Variants in TENM3 observed in about 807,000 individuals in gnomAD.
The protein encoded by TENM3 is teneurin transmembrane protein 3.
A neutral mutation model predicts 255.1 loss-of-function variants in TENM3; 63 were observed. That is an observed-to-expected ratio of 0.25 (90% CI 0.20 to 0.30). The LOEUF is 0.30. Among genes scored for constraint, TENM3 ranks in the 10% least tolerant of loss-of-function variants. TENM3 has a pLI of 1.00. For synonymous variants in TENM3, 1,306 were observed against 1,322.3 expected, an observed-to-expected ratio of 0.99 and a Z score of 0.27; for missense variants, 2,929 against 3,461.1, an observed-to-expected ratio of 0.85 and a Z score of 3.86.
At chr4:181,908,275 A>C in the TENM3 span, among the ~76,000 whole-genome samples, 1 of 152,182 alleles carries the variant, frequency 6.6e-6, no homozygotes, top group Non-Finnish European at 1.5e-5. Flanking sequence ...TAGTAGTGAC[A>C]GTTTCTCTTT....
At chr4:181,504,178 C>G in the TENM3 span, among the ~76,000 whole-genome samples, 1 of 152,142 alleles carries the variant, frequency 6.6e-6, no homozygotes, top group East Asian at 1.9e-4. Flanking sequence ...ACTGGAGCAG[C>G]CATTCTGAAT....
the TENM3 span, among the ~76,000 whole-genome samples, chr4:181,612,853 T>A: frequency 6.6e-6 from 1 of 152,138 alleles, no homozygotes; most frequent in Admixed American, 6.5e-5. Flanking sequence ...CATTACCTAT[T>A]TAAATAAAAA....
At chr4:181,703,649 T>C in the TENM3 span, among the ~76,000 whole-genome samples, 2 of 152,132 alleles carry the variant, frequency 1.3e-5, no homozygotes, top group Non-Finnish European at 2.9e-5. Context: ...GTTTCCTCCT[T>C]ATAACAGCTG....
the TENM3 span, among the ~76,000 whole-genome samples, chr4:181,927,357 T>C: frequency 1.3e-5 from 2 of 152,132 alleles, no homozygotes; most frequent in Non-Finnish European, 1.5e-5. Flanking sequence ...TTGCCATTAC[T>C]GGGGCCTGAG....
chr4:182,430,090 G>A (rs192576448), intron 3 of TENM3, among the ~76,000 whole-genome samples: 44 of 152,252 alleles, frequency 2.9e-4, no homozygotes, highest in African/African-American at 7.5e-4. Context: ...GTGACATGAC[G>A]CAGCTGTGTT....
At chr4:181,493,933 A>G in the TENM3 span, among the ~76,000 whole-genome samples, 3 of 152,150 alleles carry the variant, frequency 2.0e-5, no homozygotes, top group African/African-American at 7.2e-5. Flanking sequence ...CAATAATAAT[A>G]TCAAATACTT....
the TENM3 span, among the ~76,000 whole-genome samples, chr4:181,586,763 C>T: frequency 1.3e-5 from 2 of 152,114 alleles, no homozygotes; most frequent in African/African-American, 4.8e-5. Flanking sequence ...TCTCCTGAAC[C>T]TGGGAGGCAG....
chr4:182,230,472 T>C (rs1756486547), intron 1 of TENM3, among the ~76,000 whole-genome samples: 1 of 152,046 alleles, frequency 6.6e-6, no homozygotes, highest in Non-Finnish European at 1.5e-5. Context: ...AGGAGAATAT[T>C]TGTTGGAATA....
At chr4:182,388,008 A>G (rs943827523) in intron 3 of TENM3, among the ~76,000 whole-genome samples, 3 of 150,802 alleles carry the variant, frequency 2.0e-5, no homozygotes, top group African/African-American at 4.9e-5. Context: ...TTTTCTCTCC[A>G]TGGTTAAGCA....
At chr4:181,973,769 A>T in the TENM3 span, among the ~76,000 whole-genome samples, 2 of 152,272 alleles carry the variant, frequency 1.3e-5, no homozygotes, top group African/African-American at 4.8e-5. Context: ...GCTAAAAATA[A>T]ATATGAATAA....
chr4:182,641,400 ATT>A (rs1256004563), intron 5 of TENM3, among the ~76,000 whole-genome samples: 1 of 152,200 alleles, frequency 6.6e-6, no homozygotes, highest in Non-Finnish European at 1.5e-5. Context: ...ATTTCAAAGA[ATT>A]GTAATTTTCA....
At chr4:181,787,514 A>G in the TENM3 span, among the ~76,000 whole-genome samples, 1 of 151,834 alleles carries the variant, frequency 6.6e-6, no homozygotes, top group Non-Finnish European at 1.5e-5. Flanking sequence ...ATTTTTTCAT[A>G]TTTTTAGTAG....
intron 1 of TENM3, among the ~76,000 whole-genome samples, chr4:182,168,100 C>T (rs921339386): frequency 6.6e-6 from 1 of 151,880 alleles, no homozygotes; most frequent in East Asian, 1.9e-4. Flanking sequence ...GCTATGTTCA[C>T]TCTACTCTTC....
chr4:182,459,090 A>G (rs1774123621), intron 3 of TENM3, among the ~76,000 whole-genome samples: 1 of 152,202 alleles, frequency 6.6e-6, no homozygotes, highest in Admixed American at 6.5e-5. Context: ...CCTCATTTTG[A>G]TGAAATACCA....
At chr4:182,407,628 T>C (rs571533201) in intron 3 of TENM3, among the ~76,000 whole-genome samples, 3 of 152,352 alleles carry the variant, frequency 2.0e-5, no homozygotes, top group Non-Finnish European at 4.4e-5. Context: ...TTGTTACATA[T>C]TGACCTTCAA....
At chr4:181,927,230 C>A in the TENM3 span, among the ~76,000 whole-genome samples, 1 of 152,148 alleles carries the variant, frequency 6.6e-6, no homozygotes, top group Non-Finnish European at 1.5e-5. Context: ...TGGAACCCAG[C>A]GGATCCCACC....
chr4:181,560,310 C>G, the TENM3 span, among the ~76,000 whole-genome samples: 1 of 152,180 alleles, frequency 6.6e-6, no homozygotes, highest in Non-Finnish European at 1.5e-5. Context: ...TCCCCAAAGC[C>G]CTACTTTCTA....
intron 3 of TENM3, among the ~76,000 whole-genome samples, chr4:182,378,672 C>T (rs1408841990): frequency 1.3e-5 from 2 of 152,156 alleles, no homozygotes; most frequent in African/African-American, 4.8e-5. Context: ...AGTGGCATAA[C>T]TCATGAAATA....
At chr4:182,082,758 A>G in the TENM3 span, among the ~76,000 whole-genome samples, 11 of 152,232 alleles carry the variant, frequency 7.2e-5, no homozygotes, top group Non-Finnish European at 1.6e-4. Context: ...TACCAAAGGT[A>G]TCTACGAGCC....
Sources: allele counts gnomAD v4.1 joint callset (sites outside exome capture counted in the v4.1 genomes callset), GRCh38; gene constraint gnomAD v4.1.1; transcripts MANE v1.5; gene names NCBI Gene and HGNC (gene_info 2026-07-23, HGNC 2026-07-21).